VWA8: variants seen among roughly 807,000 people sequenced by gnomAD.
The protein encoded by VWA8 is von Willebrand factor A domain-containing protein 8.
VWA8 carries 221 observed loss-of-function variants against 241.5 expected under a neutral mutation model. The observed-to-expected ratio is 0.91, with a 90% CI of 0.82 to 1.02. The LOEUF (loss-of-function observed/expected upper bound fraction) is 1.02, where lower values mean the gene tolerates loss of function less well. VWA8 is among the 50% of genes least tolerant of loss of function. The pLI is 0.00. For synonymous variants in VWA8, 852 were observed against 827.1 expected (o/e 1.03, Z -0.52); for missense variants, 2,322 against 2,328.7 (o/e 1.00, Z 0.06).
intron 37 of VWA8, among the ~76,000 whole-genome samples, chr13:41,627,614 G>T (rs980726166): frequency 3.3e-5 from 5 of 152,112 alleles, no homozygotes; most frequent in Non-Finnish European, 7.4e-5. Flanking sequence ...TTGGGTTCAT[G>T]GTGTTGCAAC....
intron 17 of VWA8, among the ~76,000 whole-genome samples, chr13:41,800,525 A>G (rs932767298): frequency 7.9e-5 from 12 of 152,190 alleles, no homozygotes; most frequent in African/African-American, 2.6e-4. Flanking sequence ...ATGCTGGCTC[A>G]CACCTGTAAT....
At position 41,778,071 on chromosome 13, in the gene VWA8, A is replaced by G; in HGVS notation, c.2278-15T>C. The G allele has an allele frequency of 6.2e-7, 1 of 1,602,816 alleles. No homozygotes were observed. The highest frequency in any genetic ancestry group is 2.3e-5 in the East Asian group (1 of 44,432). ...ACTATCACATGCTAGAGAAAAAGGAACTAGGGGTTAACTGTTTTGTACAAT... is the reference window on the plus strand; with the variant it reads ...ACTATCACATGCTAGAGAAAAAGGAGCTAGGGGTTAACTGTTTTGTACAAT... On this transcript the variant is annotated splice_polypyrimidine_tract_variant and intron_variant, in intron 19 of 44. Coordinates refer to ENST00000379310, the MANE Select transcript of VWA8 (RefSeq NM_015058.2).
chr13:41,843,109 T>A (rs1162919805), intron 12 of VWA8, among the ~76,000 whole-genome samples: 1 of 152,210 alleles, frequency 6.6e-6, no homozygotes, highest in African/African-American at 2.4e-5. Context: ...GATGATGATA[T>A]TTAAAAAGTA....
chr13:41,729,510 T>C, intron 23 of VWA8, 32 bp downstream of exon 23: 2 of 1,593,438 alleles, frequency 1.3e-6, no homozygotes, highest in Non-Finnish European at 1.7e-6. Context: ...ATTGTATTTA[T>C]TAAAGGAAAC....
In VWA8 at chr13:41,865,803, T is replaced by C. The variant is rs770655085; in HGVS notation, c.1358A>G (p.Lys453Arg). Reference sequence around the variant, plus strand: ...GGCAAAGTTCTTAGCGATCACTGTTTTTCCACAACCCTACAAATGGAAAAA... The same window carrying C: ...GGCAAAGTTCTTAGCGATCACTGTTCTTCCACAACCCTACAAATGGAAAAA... ...ICLIGGKGCG[K>R]TVIAKNFADT... is the part of the protein sequence containing the mutation. The change falls in exon 12 of 45, where the codon AAA (lysine) becomes AGA (arginine). Residue 453 changes from lysine (K) to arginine (R), a missense_variant. Coordinates refer to ENST00000379310, the MANE Select transcript of VWA8 (RefSeq NM_015058.2). 3 of 1,614,078 alleles carry C rather than the reference T, an allele frequency of 1.9e-6. No homozygotes were observed. Among genetic ancestry groups the C allele is most frequent in the East Asian group, 4.5e-5 (2 of 44,884 alleles).
intron 9 of VWA8, among the ~76,000 whole-genome samples, chr13:41,874,086 C>T (rs1289884443): frequency 1.2e-3 from 188 of 151,786 alleles, no homozygotes; most frequent in Non-Finnish European, 2.3e-3. Flanking sequence ...ACAAAAACCA[C>T]ATGATTATCT....
At chr13:41,693,042 T>C in intron 29 of VWA8, 70 bp from the exon 30 acceptor site, 1 of 1,053,094 alleles carries the variant, frequency 9.5e-7, no homozygotes, top group East Asian at 2.7e-5. Flanking sequence ...AGCAGCAACC[T>C]CTTGGCAACC....
chr13:41,718,684 T>C (rs1010191922), intron 26 of VWA8, among the ~76,000 whole-genome samples: 1 of 151,318 alleles, frequency 6.6e-6, no homozygotes, highest in Non-Finnish European at 1.5e-5. Context: ...TGGATGAGTA[T>C]ACACTTTGGA....
intron 19 of VWA8, 77 bp from the exon 20 acceptor site, chr13:41,778,133 T>G (rs1868702697): frequency 9.9e-7 from 1 of 1,006,022 alleles, no homozygotes; most frequent in Non-Finnish European, 1.4e-6. Context: ...AAAGATATCT[T>G]TATAGAATAT....
intron 8 of VWA8, among the ~76,000 whole-genome samples, 198 bp downstream of exon 8, chr13:41,885,722 C>G (rs1874495324): frequency 6.6e-6 from 1 of 152,238 alleles, no homozygotes; most frequent in Non-Finnish European, 1.5e-5. Context: ...TACTCCAAAG[C>G]TGAAAGCTCT....
chr13:41,806,314 GA>G (rs1870206727), intron 17 of VWA8, among the ~76,000 whole-genome samples: 1 of 152,144 alleles, frequency 6.6e-6, no homozygotes, highest in Non-Finnish European at 1.5e-5. Flanking sequence ...ATGTATCTTG[GA>G]AAACTAGAAA....
At chr13:41,784,701 T>TGC (rs1869069823) in intron 18 of VWA8, among the ~76,000 whole-genome samples, 1 of 69,832 alleles carries the variant, frequency 1.4e-5, no homozygotes, top group Non-Finnish European at 3.0e-5. Context: ...CATATACATA[T>TGC]ATATATATAT....
chr13:41,699,054 A>C lies in VWA8; in HGVS notation c.3564+17T>G, dbSNP rs1270935294. 1 of 1,613,726 alleles carries C rather than the reference A, an allele frequency of 6.2e-7. No individual in the cohort carries two copies. The highest frequency in any genetic ancestry group is 2.2e-5 in the East Asian group (1 of 44,890). On this transcript the variant is annotated intron_variant, in intron 29 of 44. Coordinates refer to ENST00000379310, the MANE Select transcript of VWA8 (RefSeq NM_015058.2). ...TGTAAGTCATTCCTCACATAATTGTAGCCTGGTGTGCATTACCTGCTGCTC... is the reference window on the plus strand; with the variant it reads ...TGTAAGTCATTCCTCACATAATTGTCGCCTGGTGTGCATTACCTGCTGCTC...
chr13:41,578,308 T>C lies in VWA8; in HGVS notation c.5272-2470A>G, dbSNP rs1411374416. Among the ~76,000 whole-genome samples the C allele has an allele frequency of 2.6e-5, 4 of 152,158 alleles. No homozygotes were observed. In the East Asian group the frequency reaches 7.7e-4, roughly 29 times the overall value. On this transcript the variant is annotated intron_variant, in intron 42 of 44. Coordinates refer to ENST00000379310, the MANE Select transcript of VWA8 (RefSeq NM_015058.2). ...TTATAAAATAGTTTGCAGGCCCTGG[T>C]TTCTCATCTTCCAGATGGGTTTGAG...
At chr13:41,949,223 C>A (rs1341406937) in intron 2 of VWA8, among the ~76,000 whole-genome samples, 2 of 151,888 alleles carry the variant, frequency 1.3e-5, no homozygotes, top group Non-Finnish European at 2.9e-5. Context: ...TTGGAACCAA[C>A]CCAAATGCCC....
At chr13:41,796,508 T>C (rs994256513) in intron 17 of VWA8, among the ~76,000 whole-genome samples, 5 of 144,692 alleles carry the variant, frequency 3.5e-5, no homozygotes, top group Admixed American at 1.4e-4. Flanking sequence ...GCTTTTTCCT[T>C]TCCAAAATTA....
intron 42 of VWA8, 91 bp downstream of exon 42, chr13:41,587,418 TGAA>T: frequency 6.6e-7 from 1 of 1,522,492 alleles, no homozygotes; most frequent in East Asian, 2.3e-5. Flanking sequence ...GGTGAGAGGA[TGAA>T]GATTTTCATT....
chr13:41,688,536 T>C (rs1481019472), intron 34 of VWA8, among the ~76,000 whole-genome samples: 2 of 151,954 alleles, frequency 1.3e-5, no homozygotes, highest in African/African-American at 2.4e-5. Context: ...TTATAGGTAA[T>C]AGGAGATAAC....
intron 26 of VWA8, among the ~76,000 whole-genome samples, chr13:41,712,800 A>T (rs2045326890): frequency 6.6e-6 from 1 of 152,220 alleles, no homozygotes; most frequent in Non-Finnish European, 1.5e-5. Context: ...ATACCCCAAA[A>T]CCTAATAGAT....
Sources: allele counts gnomAD v4.1 joint callset (sites outside exome capture counted in the v4.1 genomes callset), GRCh38; gene constraint gnomAD v4.1.1; transcripts MANE v1.5; gene names NCBI Gene and HGNC (gene_info 2026-07-23, HGNC 2026-07-21).